ADAMTSL1: variants seen among roughly 807,000 people sequenced by gnomAD.
ADAMTSL1 encodes the protein ADAMTS-like protein 1.
A neutral mutation model predicts 201.8 loss-of-function variants in ADAMTSL1; 126 were observed. The ratio of observed to expected loss-of-function variants is 0.62; its 90% CI spans 0.54 to 0.72. The LOEUF (loss-of-function observed/expected upper bound fraction) is 0.72. Among genes scored for constraint, ADAMTSL1 ranks in the 30% least tolerant of loss-of-function variants. The probability of loss-of-function intolerance (pLI) is 0.00; values close to 1 mark genes in which losing one functional copy is unlikely to be tolerated. For missense variants in ADAMTSL1, 2,679 were observed against 2,277.8 expected, an observed-to-expected ratio of 1.18 and a Z score of -3.59; for synonymous variants, 1,121 against 903.4, an observed-to-expected ratio of 1.24 and a Z score of -4.32.
At chr9:18,847,521 A>G (rs977889521) in intron 23 of ADAMTSL1, among the ~76,000 whole-genome samples, 25 of 152,368 alleles carry the variant, frequency 1.6e-4, no homozygotes, top group African/African-American at 5.0e-4. Context: ...ATAAAGCAGG[A>G]TAAGAGGGAG....
At chr9:18,552,910 G>A (rs1245286426) in intron 3 of ADAMTSL1, among the ~76,000 whole-genome samples, 1 of 150,830 alleles carries the variant, frequency 6.6e-6, no homozygotes, top group East Asian at 1.9e-4. Flanking sequence ...TATCTTTATG[G>A]ATATTTAATG....
intron 3 of ADAMTSL1, among the ~76,000 whole-genome samples, chr9:18,548,105 A>C (rs1004129457): frequency 6.6e-6 from 1 of 152,050 alleles, no homozygotes; most frequent in Non-Finnish European, 1.5e-5. Flanking sequence ...GATGCTTGCA[A>C]TTGTGAATTG....
intron 2 of ADAMTSL1, among the ~76,000 whole-genome samples, chr9:18,207,246 A>C (rs1829688618): frequency 6.6e-6 from 1 of 152,138 alleles, no homozygotes; most frequent in African/African-American, 2.4e-5. Flanking sequence ...AAAAAGGAAG[A>C]GAGGAAAGAA....
chr9:18,071,197 C>A (rs903461442), intron 1 of ADAMTSL1, among the ~76,000 whole-genome samples: 6 of 152,142 alleles, frequency 3.9e-5, no homozygotes, highest in Non-Finnish European at 8.8e-5. Context: ...GACAATAGTC[C>A]CATGAAAACT....
At chr9:18,605,837 G>A (rs1824977139) in intron 4 of ADAMTSL1, among the ~76,000 whole-genome samples, 1 of 152,154 alleles carries the variant, frequency 6.6e-6, no homozygotes. Context: ...TGAGTATAAA[G>A]GTGCTTTGAT....
At chr9:18,571,517 G>A (rs926266405) in intron 3 of ADAMTSL1, among the ~76,000 whole-genome samples, 2 of 152,156 alleles carry the variant, frequency 1.3e-5, no homozygotes, top group South Asian at 2.1e-4. Flanking sequence ...ACTATCAAAC[G>A]AAAATACTGT....
intron 1 of ADAMTSL1, among the ~76,000 whole-genome samples, chr9:18,491,262 G>C (rs1274384509): frequency 6.6e-6 from 1 of 152,024 alleles, no homozygotes; most frequent in Non-Finnish European, 1.5e-5. Flanking sequence ...TATTTTCTGT[G>C]GCCAAGATCC....
intron 2 of ADAMTSL1, among the ~76,000 whole-genome samples, chr9:18,182,551 G>T (rs1828544850): frequency 6.6e-6 from 1 of 152,198 alleles, no homozygotes; most frequent in African/African-American, 2.4e-5. Flanking sequence ...TGCTCCCACA[G>T]TAATACTTTA....
At chr9:18,099,546 C>A (rs1824422438) in intron 1 of ADAMTSL1, among the ~76,000 whole-genome samples, 1 of 148,874 alleles carries the variant, frequency 6.7e-6, no homozygotes, top group African/African-American at 2.5e-5. Flanking sequence ...GGGACTAAAT[C>A]TGTATGTCGA....
chr9:18,239,170 G>C (rs1250218612), intron 2 of ADAMTSL1, among the ~76,000 whole-genome samples: 1 of 152,116 alleles, frequency 6.6e-6, no homozygotes, highest in Non-Finnish European at 1.5e-5. Context: ...GACTGATCAG[G>C]GTGGTGAAGG....
intron 2 of ADAMTSL1, among the ~76,000 whole-genome samples, chr9:18,198,039 A>G (rs1453552809): frequency 3.3e-5 from 5 of 152,224 alleles, no homozygotes; most frequent in Admixed American, 3.3e-4. Flanking sequence ...TGGTGCTGGG[A>G]AAACTGGCTA....
In ADAMTSL1 at chr9:18,661,997, T is replaced by G. The variant is rs141659739; in HGVS notation, c.1009T>G (p.Tyr337Asp). The part of the protein sequence containing the change: ...LRSNRVVADQ[Y>D]CHYYPENIKP... Reference sequence around the variant, plus strand: ...GAGCAACCGTGTGGTTGCTGACCAATACTGTCACTATTACCCAGAGAACAT... The same window carrying G: ...GAGCAACCGTGTGGTTGCTGACCAAGACTGTCACTATTACCCAGAGAACAT... Residue 337 changes from tyrosine (Y) to aspartate (D), a missense_variant, in exon 9 of 29, where the codon TAC becomes GAC. Tyr to Asp is a radical substitution (Grantham distance 160). Coordinates refer to ENST00000380548, the MANE Select transcript of ADAMTSL1 (RefSeq NM_001040272.6). 1.6e-3 allele frequency: 2,604 copies of G among 1,614,104 alleles called. 2 individuals carry two copies. The highest frequency in any genetic ancestry group is 1.9e-3 in the Non-Finnish European group (2,263 of 1,179,944).
intron 13 of ADAMTSL1, among the ~76,000 whole-genome samples, chr9:18,687,558 G>GTAAA (rs1208794055): frequency 2.6e-5 from 4 of 152,180 alleles, no homozygotes. Context: ...TGGTAAAGCA[G>GTAAA]TAAATATCAT....
At chr9:17,918,857 T>C (rs186420261) in intron 1 of ADAMTSL1, among the ~76,000 whole-genome samples, 58 of 152,050 alleles carry the variant, frequency 3.8e-4, no homozygotes, top group Middle Eastern at 6.8e-3. Flanking sequence ...AGCTCTGTTA[T>C]TGGGTACATA....
chr9:18,374,259 G>A (rs553455103), intron 2 of ADAMTSL1, among the ~76,000 whole-genome samples: 1 of 152,150 alleles, frequency 6.6e-6, no homozygotes, highest in South Asian at 2.1e-4. Context: ...TTCTGAAAGA[G>A]AGATACTGAC....
intron 2 of ADAMTSL1, among the ~76,000 whole-genome samples, chr9:18,433,087 T>A (rs1020891035): frequency 4.6e-5 from 7 of 152,134 alleles, no homozygotes; most frequent in Non-Finnish European, 8.8e-5. Flanking sequence ...ACCTCCTGTT[T>A]GTTTTAAAAA....
At chr9:18,064,257 A>T (rs1046302998) in intron 1 of ADAMTSL1, among the ~76,000 whole-genome samples, 2 of 151,940 alleles carry the variant, frequency 1.3e-5, no homozygotes, top group African/African-American at 4.8e-5. Flanking sequence ...GGAATGATCA[A>T]TGTAGTCTGT....
At chr9:17,939,374 T>G (rs12006255) in intron 1 of ADAMTSL1, among the ~76,000 whole-genome samples, 34,395 of 151,714 alleles carry the variant, frequency 0.23, 4,091 homozygotes, top group Middle Eastern at 0.28. Flanking sequence ...TAGTCTGTTC[T>G]TGGGTCCCCT....
At chr9:18,635,527 G>C (rs1587756398) in intron 5 of ADAMTSL1, among the ~76,000 whole-genome samples, 1 of 152,084 alleles carries the variant, frequency 6.6e-6, no homozygotes, top group East Asian at 1.9e-4. Flanking sequence ...TCTCTTACCT[G>C]TTCTACTCAT....
Sources: allele counts gnomAD v4.1 joint callset (sites outside exome capture counted in the v4.1 genomes callset), GRCh38; gene constraint gnomAD v4.1.1; transcripts MANE v1.5; gene names NCBI Gene and HGNC (gene_info 2026-07-23, HGNC 2026-07-21).